The following ARMH3 variants were observed in gnomAD, a reference collection of about 807,000 sequenced individuals.
ARMH3 encodes the protein armadillo-like helical domain-containing protein 3.
In ARMH3, 60 loss-of-function variants were observed where a neutral mutation model predicts 99.1. That is an observed-to-expected ratio of 0.61 (90% CI 0.49 to 0.75). ARMH3 has a LOEUF of 0.75. ARMH3 is among the 30% of genes least tolerant of loss of function. The pLI is 0.00. For synonymous variants in ARMH3, 285 were observed against 292.8 expected, an observed-to-expected ratio of 0.97 and a Z score of 0.27; for missense variants, 679 against 843.1, an observed-to-expected ratio of 0.81 and a Z score of 2.41.
chr10:102,003,531 G>A (rs1470354871), intron 14 of ARMH3, among the ~76,000 whole-genome samples: 5 of 152,278 alleles, frequency 3.3e-5, no homozygotes, highest in Non-Finnish European at 4.4e-5. Flanking sequence ...CTCTTGTTAA[G>A]TGCTTTTACA....
At chr10:101,995,463 T>C in intron 15 of ARMH3, 108 bp from the exon 16 acceptor site, 1 of 920,936 alleles carries the variant, frequency 1.1e-6, no homozygotes, top group Non-Finnish European at 1.7e-6. Flanking sequence ...ACACTTTCTC[T>C]TCCCACAAAA....
intron 8 of ARMH3, 73 bp from the exon 9 acceptor site, chr10:102,014,097 T>A (rs1007739719): frequency 1.1e-5 from 13 of 1,230,338 alleles, no homozygotes; most frequent in Non-Finnish European, 1.5e-5. Context: ...CTTTAAAGTG[T>A]TAACAAAAAT....
At chr10:101,929,938 T>A (rs1022013931) in intron 23 of ARMH3, among the ~76,000 whole-genome samples, 4 of 152,192 alleles carry the variant, frequency 2.6e-5, no homozygotes, top group Non-Finnish European at 5.9e-5. Flanking sequence ...TACTTACCAG[T>A]TGAGCATCCC....
intron 23 of ARMH3, among the ~76,000 whole-genome samples, chr10:101,921,434 C>T (rs1843301294): frequency 6.6e-6 from 1 of 152,118 alleles, no homozygotes; most frequent in Non-Finnish European, 1.5e-5. Flanking sequence ...TGGTGATTTA[C>T]ATAGGTGGTA....
chr10:101,928,584 A>G (rs1176228078), intron 23 of ARMH3, among the ~76,000 whole-genome samples: 1 of 152,192 alleles, frequency 6.6e-6, no homozygotes, highest in Non-Finnish European at 1.5e-5. Flanking sequence ...CAGGAGGATC[A>G]CTTGAGCCCC....
At chr10:101,966,069 GCAGA>G (rs970730150) in intron 20 of ARMH3, among the ~76,000 whole-genome samples, 5 of 150,870 alleles carry the variant, frequency 3.3e-5, no homozygotes, top group African/African-American at 1.2e-4. Flanking sequence ...AGAGATAGAA[GCAGA>G]CAATCTAATT....
intron 19 of ARMH3, among the ~76,000 whole-genome samples, chr10:101,989,073 G>C (rs1002290460): frequency 2.0e-5 from 3 of 152,056 alleles, no homozygotes; most frequent in Admixed American, 1.3e-4. Context: ...AAAATCGGAG[G>C]GAGCAATTCT....
chr10:102,040,099 T>C lies in ARMH3; in HGVS notation c.16A>G (p.Lys6Glu). Residue 6 changes from lysine (K) to glutamate (E), a missense_variant, in exon 2 of 26, where the codon AAA becomes GAA. Lys to Glu is a moderately conservative substitution (Grantham distance 56, BLOSUM62 1). Around this residue, in one of 3 missense-constraint regions of ARMH3, gnomAD observed 280 missense variants for 354.6 expected, o/e 0.79. Transcript: ENST00000370033. MAQVE[K>E]RGGLLRKSSA... Reference sequence around the variant, plus strand: ...GATTTCCGGAGCAAACCTCCACGTTTCTCTACCTGTGCCATGGTTAGAGAA... The same window carrying C: ...GATTTCCGGAGCAAACCTCCACGTTCCTCTACCTGTGCCATGGTTAGAGAA... 6.2e-7 allele frequency: 1 copy of C among 1,614,180 alleles called. No homozygotes were observed. Among genetic ancestry groups the C allele is most frequent in the Non-Finnish European group, 8.5e-7 (1 of 1,180,008 alleles).
Position 102,001,998 on chromosome 10 carries a change from T to C in ARMH3, c.1123A>G (p.Ser375Gly), listed in dbSNP as rs2066372524. 1.2e-6 allele frequency: 2 copies of C among 1,614,094 alleles called. No homozygotes were observed. Among genetic ancestry groups the C allele is most frequent in the Non-Finnish European group, 1.7e-6 (2 of 1,180,040 alleles). The change falls in exon 15 of 26, where the codon AGC (serine) becomes GGC (glycine). Residue 375 changes from serine (S) to glycine (G), a missense_variant. By Grantham distance (56) the Ser-to-Gly change is moderately conservative (BLOSUM62 0). Around this residue, in one of 3 missense-constraint regions of ARMH3, gnomAD observed 389 missense variants for 456.5 expected, o/e 0.85. Coordinates refer to ENST00000370033, the MANE Select transcript of ARMH3 (RefSeq NM_024541.3). ...TTGGTGTCCTGCATGACAATTGAGC[T>C]ATACTTTAAAAAGGTTATCAGTAGA... Reference protein sequence around the residue: ...SNLLITFLKYSSIVMQDTKDE... With the variant: ...SNLLITFLKYGSIVMQDTKDE...
At chr10:101,956,351 C>T (rs1845035887) in intron 22 of ARMH3, among the ~76,000 whole-genome samples, 1 of 152,134 alleles carries the variant, frequency 6.6e-6, no homozygotes, top group South Asian at 2.1e-4. Context: ...TCCCTATTCT[C>T]TCTCTCTCTC....
intron 1 of ARMH3, among the ~76,000 whole-genome samples, chr10:102,044,989 A>C (rs1006988706): frequency 3.9e-5 from 6 of 152,022 alleles, no homozygotes; most frequent in Non-Finnish European, 7.4e-5. Flanking sequence ...TATGAAAATT[A>C]GACAGGCGTG....
chr10:101,951,545 T>C (rs1258883746), intron 22 of ARMH3, among the ~76,000 whole-genome samples: 1 of 152,112 alleles, frequency 6.6e-6, no homozygotes, highest in Non-Finnish European at 1.5e-5. Flanking sequence ...CACTCCAGCC[T>C]GGGTGACAGA....
At chr10:102,000,106 A>C (rs760627697) in intron 15 of ARMH3, among the ~76,000 whole-genome samples, 1 of 152,162 alleles carries the variant, frequency 6.6e-6, no homozygotes, top group Non-Finnish European at 1.5e-5. Context: ...AAAATAAAAT[A>C]AAATGATTCA....
chr10:101,918,856 A>T (rs1444801559), intron 23 of ARMH3, among the ~76,000 whole-genome samples: 2 of 152,174 alleles, frequency 1.3e-5, no homozygotes, highest in Non-Finnish European at 2.9e-5. Flanking sequence ...TTAGTAGAAC[A>T]CTGATTTCTG....
At chr10:101,934,658 A>AT (rs1255510529) in intron 23 of ARMH3, among the ~76,000 whole-genome samples, 1 of 152,186 alleles carries the variant, frequency 6.6e-6, no homozygotes, top group African/African-American at 2.4e-5. Flanking sequence ...AGAGAACAGG[A>AT]TTTTGAACTC....
intron 13 of ARMH3, among the ~76,000 whole-genome samples, chr10:102,008,357 G>A (rs2066551566): frequency 6.6e-6 from 1 of 152,074 alleles, no homozygotes; most frequent in South Asian, 2.1e-4. Flanking sequence ...ATTTTAAACA[G>A]TCTGGCTTTA....
intron 24 of ARMH3, among the ~76,000 whole-genome samples, chr10:101,880,806 G>A (rs908717496): frequency 3.3e-5 from 5 of 152,112 alleles, no homozygotes; most frequent in South Asian, 2.1e-4. Flanking sequence ...ATGTTCTCAC[G>A]TAATGGATGC....
At chr10:101,998,371 G>A (rs1847156045) in intron 15 of ARMH3, among the ~76,000 whole-genome samples, 1 of 152,234 alleles carries the variant, frequency 6.6e-6, no homozygotes, top group South Asian at 2.1e-4. Flanking sequence ...CCAAGTCTCA[G>A]AGGTTCAGCT....
At chr10:101,858,128 G>GT (rs1240493207) in intron 24 of ARMH3, among the ~76,000 whole-genome samples, 1 of 152,254 alleles carries the variant, frequency 6.6e-6, no homozygotes, top group African/African-American at 2.4e-5. Flanking sequence ...TTCAAGATTA[G>GT]TTAAAGCTAA....
Sources: gnomAD v4.1 joint callset for allele counts (sites outside exome capture counted in the v4.1 genomes callset) on GRCh38, gnomAD v4.1.1 for gene constraint, gnomAD v4.1.1 regional missense constraint, MANE v1.5 for transcripts, NCBI Gene and HGNC (gene_info 2026-07-23, HGNC 2026-07-21) for gene names.